Variants in STK40 observed in about 807,000 individuals in gnomAD.
The protein encoded by STK40 is serine/threonine-protein kinase 40.
Under a neutral mutation model 47.9 loss-of-function variants are expected in STK40, and 13 were observed. The observed-to-expected ratio is 0.27, with a 90% CI of 0.18 to 0.43. The LOEUF is 0.43. Ranked by LOEUF, STK40 falls within the 20% of genes least tolerant of loss-of-function variation. The pLI is 1.00. For missense variants in STK40, 460 were observed against 595.1 expected, an observed-to-expected ratio of 0.77 and a Z score of 2.36; for synonymous variants, 225 against 243.2, an observed-to-expected ratio of 0.93 and a Z score of 0.69.
At chr1:36,373,938 C>A (rs1489009214) in intron 1 of STK40, among the ~76,000 whole-genome samples, 3 of 152,200 alleles carry the variant, frequency 2.0e-5, no homozygotes, top group African/African-American at 7.2e-5. Flanking sequence ...TGGGAGAGTA[C>A]CTGCTGCAGC....
intron 1 of STK40, among the ~76,000 whole-genome samples, chr1:36,374,677 C>T (rs905809060): frequency 7.9e-5 from 12 of 152,214 alleles, no homozygotes; most frequent in Non-Finnish European, 1.6e-4. Context: ...GCCTCTCCAT[C>T]CAGAGAGGTA....
chr1:36,363,848 A>G (rs1237658088), intron 1 of STK40, among the ~76,000 whole-genome samples: 2 of 143,012 alleles, frequency 1.4e-5, no homozygotes, highest in Non-Finnish European at 3.0e-5. Flanking sequence ...ATAGTCACGC[A>G]CATACAAGTA....
chr1:36,344,006 C>T (rs1230492320), intron 8 of STK40, 27 bp from the exon 9 acceptor site: 2 of 1,596,948 alleles, frequency 1.3e-6, no homozygotes, highest in South Asian at 2.2e-5. Flanking sequence ...GGGAGGAGGG[C>T]TCAGTGGGTG....
At chr1:36,343,698 T>G (rs758228238) in intron 9 of STK40, among the ~76,000 whole-genome samples, 162 bp downstream of exon 9, 54 of 152,164 alleles carry the variant, frequency 3.5e-4, no homozygotes, top group Non-Finnish European at 6.6e-4. Flanking sequence ...TGCTCAACCT[T>G]CAGTTCTGCC....
At chr1:36,368,273 CTATA>C (rs76557563) in intron 1 of STK40, among the ~76,000 whole-genome samples, 1 of 151,782 alleles carries the variant, frequency 6.6e-6, no homozygotes. Context: ...ACTACTCATG[CTATA>C]TATATATTTT....
chr1:36,372,795 A>T (rs1295162841), intron 1 of STK40: 1 of 152,264 alleles, frequency 6.6e-6, no homozygotes, highest in Non-Finnish European at 1.5e-5. Flanking sequence ...GGGCTGAGTC[A>T]GAGGTGGGTT....
Position 36,341,928 on chromosome 1 carries a change from T to C in STK40, c.1135A>G (p.Met379Val). The C allele has an allele frequency of 3.1e-6, 5 of 1,614,042 alleles. No individual in the cohort carries two copies. Among genetic ancestry groups the C allele is most frequent in the Non-Finnish European group, 4.2e-6 (5 of 1,179,958 alleles). The change falls in exon 11 of 11, where the codon ATG becomes GTG. Residue 379 changes from methionine to valine, a missense_variant. Physicochemically the swap from Met to Val is conservative, Grantham distance 21 (BLOSUM62 1). Around this residue, in one of 3 missense-constraint regions of STK40, gnomAD observed 181 missense variants for 218.9 expected, o/e 0.83. Coordinates refer to ENST00000373132, the MANE Select transcript of STK40 (RefSeq NM_001282547.2). The part of the protein sequence containing the change: ...ECSQYEFENY[M>V]RQQLLLAEEK... ...TCGGCCAGCAGCAGCTGCTGACGCA[T>C]GTAGTTCTCAAACTCGTACTGGGAG...
At chr1:36,378,742 C>T (rs557667675) in intron 1 of STK40, among the ~76,000 whole-genome samples, 1 of 152,338 alleles carries the variant, frequency 6.6e-6, no homozygotes, top group African/African-American at 2.4e-5. Context: ...CAGGCGTGAG[C>T]CACCGTGCCA....
chr1:36,361,195 AT>A, intron 2 of STK40, 25 bp downstream of exon 2: 1 of 1,613,270 alleles, frequency 6.2e-7, no homozygotes, highest in South Asian at 1.1e-5. Context: ...CAGCCCACCC[AT>A]TTTTCCCAAA....
rs1476144334 is a variant in STK40 at position 36,340,976 on chromosome 1, GAGAA to G, written c.*775_*778del. ...CCTCAGAGAAGCCACTGAGACGGGAGAGAAAGAGCCAGGTCTAGAAAGGCCTCCC... is the reference window on the plus strand; with the variant it reads ...CCTCAGAGAAGCCACTGAGACGGGAGAGAGCCAGGTCTAGAAAGGCCTCCC... On this transcript the variant is annotated 3_prime_UTR_variant, in exon 11 of 11. Coordinates refer to ENST00000373132, the MANE Select transcript of STK40 (RefSeq NM_001282547.2). 6.6e-6 allele frequency: 1 copy of G among 152,632 alleles called. No homozygotes were observed. Among genetic ancestry groups the G allele is most frequent in the Non-Finnish European group, 1.5e-5 (1 of 68,368 alleles). 9.5% of individuals were successfully genotyped at this position (152,632 alleles called of 1,614,324 possible). A position where few individuals can be genotyped will look rare whatever the true frequency, so the allele number is the denominator to read the frequency against.
chr1:36,373,292 G>A (rs940118846), intron 1 of STK40, among the ~76,000 whole-genome samples: 9 of 152,186 alleles, frequency 5.9e-5, no homozygotes, highest in Admixed American at 5.2e-4. Flanking sequence ...GCAAGTCTCT[G>A]CAGGTATGTC....
chr1:36,358,046 G>A (rs1343960809), intron 4 of STK40, among the ~76,000 whole-genome samples, 193 bp downstream of exon 4: 1 of 152,168 alleles, frequency 6.6e-6, no homozygotes, highest in African/African-American at 2.4e-5. Context: ...ATCCCCACAG[G>A]AGCACAGCTA....
rs752154301 is a variant in STK40 at position 36,341,962 on chromosome 1, C to CGTG, written c.1100_1101insCAC (p.Thr367dup). 1.7e-5 allele frequency: 28 copies of CGTG among 1,613,004 alleles called. No individual in the cohort carries two copies. The Admixed American group carries it at 4.7e-4, about 27-fold the overall frequency. On this transcript the variant is annotated inframe_insertion, in exon 11 of 11. Transcript: ENST00000373132. ...CAAACTCGTACTGGGAGCACTCCTCCGTCACCTTCGCCTTTGAGGCGGGGA... is the reference window on the plus strand; with the variant it reads ...CAAACTCGTACTGGGAGCACTCCTCCGTGGTCACCTTCGCCTTTGAGGCGGGGA...
chr1:36,377,532 CAAAAAAAAAAAAAAA>C (rs746089027), intron 1 of STK40, among the ~76,000 whole-genome samples: 1 of 35,502 alleles, frequency 2.8e-5, no homozygotes, highest in African/African-American at 8.1e-5. Flanking sequence ...GACTCCGTCT[CAAAAAAAAAAAAAAA>C]AAAAAAAAAA....
In STK40 at chr1:36,361,267, A is replaced by C. The variant is rs1646850122; in HGVS notation, c.66T>G (p.Ser22Arg). The change falls in exon 2 of 11, where the codon AGT (serine) becomes AGG (arginine). Residue 22 changes from serine to arginine, a missense_variant. Around this residue, in one of 3 missense-constraint regions of STK40, gnomAD observed 277 missense variants for 358.7 expected, o/e 0.77. Transcript: ENST00000373132. The part of the protein sequence containing the change: ...ETSARAKALG[S>R]GISGNNAKRA... ...TCTTTGCATTATTTCCAGAAATCCC[A>C]CTTCCTAGAGCCTTGGCCCTGGCCG... 6.2e-7 allele frequency: 1 copy of C among 1,614,158 alleles called. No individual in the cohort carries two copies. Among genetic ancestry groups the C allele is most frequent in the African/African-American group, 1.3e-5 (1 of 75,044 alleles).
At chr1:36,369,790 C>T (rs967144116) in intron 1 of STK40, among the ~76,000 whole-genome samples, 7 of 152,246 alleles carry the variant, frequency 4.6e-5, no homozygotes, top group African/African-American at 1.7e-4. Context: ...TCCACCGCTG[C>T]CTCCCTGCAC....
Position 36,385,823 on chromosome 1 carries a change from C to T in STK40, c.-109G>A. The T allele has an allele frequency of 5.7e-6, 1 of 175,580 alleles. No homozygotes were observed. The highest frequency in any genetic ancestry group is 1.4e-4 in the South Asian group (1 of 7,106). The allele number at this position is 175,580 out of a possible 1,614,324, so 10.9% of individuals were successfully genotyped here. ...GGGCCGGGGCCGGGCTGGAGGCGTG[C>T]GAGCCTCTCACCGCCGCCTCCCAGC... is the stretch of plus-strand genomic sequence containing the variant. On this transcript the variant is annotated 5_prime_UTR_variant, in exon 1 of 11. Coordinates refer to ENST00000373132, the MANE Select transcript of STK40 (RefSeq NM_001282547.2).
intron 2 of STK40, 133 bp downstream of exon 2, chr1:36,361,087 TG>T: frequency 1.0e-6 from 1 of 988,896 alleles, no homozygotes; most frequent in Non-Finnish European, 1.5e-6. Context: ...GGACCAAGCC[TG>T]GGGCAGGGCA....
Position 36,363,796 on chromosome 1 carries a change from C to T in STK40, c.-8-2456G>A, listed in dbSNP as rs1191486626. Among the ~76,000 whole-genome samples, 6 of 129,110 alleles carry T rather than the reference C, an allele frequency of 4.6e-5. No homozygotes were observed. The South Asian group carries it at 7.3e-4, about 16-fold the overall frequency. The allele number at this position is 129,110 out of a possible 152,430, so 84.7% of individuals were successfully genotyped here. On this transcript the variant is annotated intron_variant, in intron 1 of 10. Coordinates refer to ENST00000373132, the MANE Select transcript of STK40 (RefSeq NM_001282547.2). ...CACCACTGCACTCCAGCCTGGGTGA[C>T]AGAGTGAGACTCTGTCTCAAAAAAA...
Sources: allele counts gnomAD v4.1 joint callset (sites outside exome capture counted in the v4.1 genomes callset), GRCh38; gene constraint gnomAD v4.1.1; regional missense constraint gnomAD v4.1.1; transcripts MANE v1.5; gene names NCBI Gene and HGNC (gene_info 2026-07-23, HGNC 2026-07-21).